Variants in SYT1 observed in about 807,000 individuals in gnomAD.
The protein encoded by SYT1 is synaptotagmin 1.
SYT1 carries 8 observed loss-of-function variants against 44.8 expected under a neutral mutation model. The observed-to-expected ratio is 0.18, with a 90% CI of 0.10 to 0.32. The LOEUF (loss-of-function observed/expected upper bound fraction) is 0.32. SYT1 is among the 10% of genes least tolerant of loss of function. The pLI is 1.00. For synonymous variants in SYT1, 154 were observed against 188.8 expected, an observed-to-expected ratio of 0.82 and a Z score of 1.51; for missense variants, 286 against 509.3, an observed-to-expected ratio of 0.56 and a Z score of 4.22.
intron 2 of SYT1, among the ~76,000 whole-genome samples, chr12:78,994,486 CTTTTT>C (rs376614789): frequency 7.7e-6 from 1 of 130,704 alleles, no homozygotes; most frequent in African/African-American, 2.8e-5. Context: ...TTTTCTTCTC[CTTTTT>C]TTTTTTTTTC....
intron 1 of SYT1, among the ~76,000 whole-genome samples, chr12:78,896,587 C>A (rs1421211188): frequency 6.6e-6 from 1 of 151,696 alleles, no homozygotes; most frequent in Non-Finnish European, 1.5e-5. Flanking sequence ...AGAGCAACCA[C>A]CCTCCCCAAG....
At chr12:79,369,613 A>T (rs1883699781) in intron 9 of SYT1, among the ~76,000 whole-genome samples, 1 of 152,256 alleles carries the variant, frequency 6.6e-6, no homozygotes, top group Admixed American at 6.5e-5. Context: ...TAGAATTGAA[A>T]GTATGTGTAA....
intron 2 of SYT1, among the ~76,000 whole-genome samples, chr12:78,978,779 G>A (rs1869031709): frequency 6.6e-6 from 1 of 152,162 alleles, no homozygotes; most frequent in Non-Finnish European, 1.5e-5. Context: ...ACAGTGTGAA[G>A]CTCTGTCTTT....
At chr12:79,158,434 A>G (rs1248908697) in intron 3 of SYT1, among the ~76,000 whole-genome samples, 1 of 151,968 alleles carries the variant, frequency 6.6e-6, no homozygotes, top group Non-Finnish European at 1.5e-5. Context: ...AATACAAATG[A>G]AGCTTTGCTG....
intron 4 of SYT1, among the ~76,000 whole-genome samples, chr12:79,269,128 A>C (rs1414808617): frequency 6.6e-6 from 1 of 150,966 alleles, no homozygotes; most frequent in Non-Finnish European, 1.5e-5. Flanking sequence ...AAATTTATTG[A>C]ATGCCAGATT....
chr12:79,092,151 C>T (rs73148270), intron 3 of SYT1, among the ~76,000 whole-genome samples: 12,791 of 151,852 alleles, frequency 0.084, 610 homozygotes, highest in Middle Eastern at 0.12. Flanking sequence ...CATTTTTTCT[C>T]ACCTGTAAAT....
At chr12:79,171,090 T>C (rs1871493605) in intron 3 of SYT1, among the ~76,000 whole-genome samples, 1 of 152,100 alleles carries the variant, frequency 6.6e-6, no homozygotes, top group South Asian at 2.1e-4. Context: ...TTTGGATTAC[T>C]GTAGCCCTAC....
intron 4 of SYT1, among the ~76,000 whole-genome samples, chr12:79,222,830 T>C (rs533488058): frequency 4.6e-5 from 7 of 152,306 alleles, no homozygotes; most frequent in South Asian, 2.1e-4. Flanking sequence ...TATTTTTAAA[T>C]AGGCTGTCTT....
At chr12:79,052,853 A>G (rs1184783668) in intron 3 of SYT1, among the ~76,000 whole-genome samples, 1 of 152,116 alleles carries the variant, frequency 6.6e-6, no homozygotes, top group Non-Finnish European at 1.5e-5. Context: ...AAAGTCAGGA[A>G]ACAACAGGTG....
intron 3 of SYT1, among the ~76,000 whole-genome samples, chr12:79,132,210 G>A (rs1868869908): frequency 6.6e-6 from 1 of 152,120 alleles, no homozygotes; most frequent in Non-Finnish European, 1.5e-5. Context: ...CAGCACTTTG[G>A]GAGGCCAAGG....
chr12:78,988,421 T>TTATATA (rs112363125), intron 2 of SYT1, among the ~76,000 whole-genome samples: 1 of 147,110 alleles, frequency 6.8e-6, no homozygotes, highest in African/African-American at 2.5e-5. Context: ...ATAATAAATA[T>TTATATA]TATATATATA....
At chr12:79,276,666 C>G (rs992466509) in intron 4 of SYT1, among the ~76,000 whole-genome samples, 1 of 146,658 alleles carries the variant, frequency 6.8e-6, no homozygotes, top group Non-Finnish European at 1.5e-5. Context: ...CAGAGCAAGA[C>G]TCCATCAAAA....
chr12:78,958,881 CT>C (rs146563878), intron 1 of SYT1, among the ~76,000 whole-genome samples: 9 of 151,148 alleles, frequency 6.0e-5, no homozygotes, highest in East Asian at 1.9e-4. Context: ...TACAAGTCTA[CT>C]TTTTTTTTGA....
At position 79,258,706 on chromosome 12, in the gene SYT1, T is replaced by C. The variant is rs528143797; in HGVS notation, c.167-27081T>C. On this transcript the variant is annotated intron_variant, in intron 4 of 10. Coordinates refer to ENST00000261205, the MANE Select transcript of SYT1 (RefSeq NM_005639.3). Reference sequence around the variant, plus strand: ...AGGAATAAAAGCACTAGATTTTGTGTAGAGGTTACCCCTTAGGAAGAGAGA... The same window carrying C: ...AGGAATAAAAGCACTAGATTTTGTGCAGAGGTTACCCCTTAGGAAGAGAGA... Among the ~76,000 whole-genome samples, 27 of 152,318 alleles carry C rather than the reference T, an allele frequency of 1.8e-4. No individual in the cohort carries two copies. In the South Asian group the frequency reaches 4.8e-3, roughly 27 times the overall value.
At chr12:79,144,114 A>G (rs1213535351) in intron 3 of SYT1, among the ~76,000 whole-genome samples, 2 of 152,144 alleles carry the variant, frequency 1.3e-5, no homozygotes, top group Non-Finnish European at 2.9e-5. Flanking sequence ...TTCCTCCAAA[A>G]TTAGCTCATT....
At chr12:78,882,289 T>C (rs1874501286) in intron 1 of SYT1, among the ~76,000 whole-genome samples, 1 of 151,698 alleles carries the variant, frequency 6.6e-6, no homozygotes, top group Admixed American at 6.6e-5. Flanking sequence ...AAACAGAAAA[T>C]AATATTGTAG....
chr12:78,959,878 A>G (rs1879415028), intron 1 of SYT1, among the ~76,000 whole-genome samples: 1 of 152,186 alleles, frequency 6.6e-6, no homozygotes, highest in Non-Finnish European at 1.5e-5. Flanking sequence ...GGCCATATGA[A>G]GCAATTTTGT....
intron 3 of SYT1, among the ~76,000 whole-genome samples, chr12:79,135,326 T>C (rs1432670100): frequency 6.6e-6 from 1 of 150,892 alleles, no homozygotes; most frequent in Non-Finnish European, 1.5e-5. Context: ...ATTGTTCAAT[T>C]CCCACCTATG....
chr12:79,385,758 C>T lies in SYT1; in HGVS notation c.928+32139C>T, dbSNP rs1659689851. On this transcript the variant is annotated intron_variant, in intron 9 of 10. Coordinates refer to ENST00000261205, the MANE Select transcript of SYT1 (RefSeq NM_005639.3). ...TTGTTGTTGTTGTTGTTTTTTAATT[C>T]AGGAAAATGTGTTGTATATGAATAT... is the stretch of plus-strand genomic sequence containing the variant. Among the ~76,000 whole-genome samples the T allele has an allele frequency of 2.0e-5, 3 of 151,834 alleles. No individual in the cohort carries two copies. In the South Asian group the frequency reaches 6.3e-4, roughly 32 times the overall value.
Sources: allele counts gnomAD v4.1 joint callset (sites outside exome capture counted in the v4.1 genomes callset), GRCh38; gene constraint gnomAD v4.1.1; transcripts MANE v1.5; gene names NCBI Gene and HGNC (gene_info 2026-07-23, HGNC 2026-07-21).